The following PCDHGB6 variants were observed in gnomAD, a reference collection of about 807,000 sequenced individuals.
PCDHGB6 encodes the protein protocadherin gamma-B6.
A neutral mutation model predicts 59.1 loss-of-function variants in PCDHGB6; 51 were observed. The observed-to-expected ratio is 0.86, with a 90% CI of 0.69 to 1.09. The LOEUF is 1.09. PCDHGB6 is among the 50% of genes least tolerant of loss of function. The pLI, the probability that PCDHGB6 is intolerant of heterozygous loss-of-function variation, is 0.00. For synonymous variants in PCDHGB6, 466 were observed against 495.1 expected, an observed-to-expected ratio of 0.94 and a Z score of 0.78; for missense variants, 1,148 against 1,205.1, an observed-to-expected ratio of 0.95 and a Z score of 0.70.
At chr5:141,418,127 A>T in intron 1 of PCDHGB6, 1 of 1,614,104 alleles carries the variant, frequency 6.2e-7, no homozygotes, top group Non-Finnish European at 8.5e-7. Context: ...GAAGGACCGA[A>T]TAGACCGTGA....
intron 1 of PCDHGB6, chr5:141,415,772 T>TA (rs763083459): frequency 1.1e-5 from 15 of 1,332,970 alleles, no homozygotes; most frequent in Non-Finnish European, 1.3e-5. Flanking sequence ...TTTTTTTTTT[T>TA]ACTTTCTGGT....
intron 1 of PCDHGB6, chr5:141,415,759 T>TTG (rs2095938229): frequency 3.7e-6 from 5 of 1,352,054 alleles, no homozygotes; most frequent in Non-Finnish European, 4.8e-6. Flanking sequence ...TTTTTTTTTT[T>TTG]TTTTTTTTTT....
chr5:141,427,793 G>C, intron 1 of PCDHGB6: 1 of 1,495,528 alleles, frequency 6.7e-7, no homozygotes, highest in Non-Finnish European at 9.2e-7. Flanking sequence ...CGTCCTACGT[G>C]TCCGTGAGCG....
Position 141,485,210 on chromosome 5 carries a change from C to G in PCDHGB6, c.2419-9597C>G. 2 of 1,614,058 alleles carry G rather than the reference C, an allele frequency of 1.2e-6. No individual in the cohort carries two copies. The highest frequency in any genetic ancestry group is 1.7e-6 in the Non-Finnish European group (2 of 1,179,934). On this transcript the variant is annotated intron_variant, in intron 1 of 3. Transcript: ENST00000520790. The surrounding 1 kb of genome is among the most constrained non-coding windows in gnomAD (Gnocchi z 5.7). ...GGTGAGAAGCTGGACAGAAATCTGG[C>G]GGTGGGCTACCCTTTTGTTCCTCTT...
chr5:141,422,655 C>T (rs188587553), intron 1 of PCDHGB6: 2 of 1,610,120 alleles, frequency 1.2e-6, no homozygotes, highest in Admixed American at 3.3e-5. Flanking sequence ...TCTCAGTGAC[C>T]GCCCTCGACC....
At chr5:141,434,536 T>C (rs1037347477) in intron 1 of PCDHGB6, among the ~76,000 whole-genome samples, 7 of 152,186 alleles carry the variant, frequency 4.6e-5, no homozygotes, top group Non-Finnish European at 8.8e-5. Context: ...CCACAAACAA[T>C]AGCATGAGTG....
chr5:141,510,239 C>T (rs2099880022), intron 3 of PCDHGB6, among the ~76,000 whole-genome samples: 1 of 150,434 alleles, frequency 6.6e-6, no homozygotes, highest in Non-Finnish European at 1.5e-5. Flanking sequence ...CGCCACTGCA[C>T]TCCAGGCTGG....
intron 1 of PCDHGB6, among the ~76,000 whole-genome samples, chr5:141,452,689 C>G (rs1198702467): frequency 6.6e-6 from 1 of 151,562 alleles, no homozygotes; most frequent in Non-Finnish European, 1.5e-5. Context: ...AGAATGAAAC[C>G]CTGTCAAGAA....
chr5:141,410,671 C>G (rs771368781), intron 1 of PCDHGB6, 51 bp downstream of exon 1: 1 of 1,563,260 alleles, frequency 6.4e-7, no homozygotes, highest in South Asian at 1.2e-5. Context: ...ACTAGTTTCT[C>G]ATATTTTAGG....
At position 141,491,640 on chromosome 5, in the gene PCDHGB6, T is replaced by A; in HGVS notation, c.2419-3167T>A. 6.2e-7 allele frequency: 1 copy of A among 1,613,804 alleles called. No homozygotes were observed. Among genetic ancestry groups the A allele is most frequent in the South Asian group, 1.1e-5 (1 of 91,086 alleles). On this transcript the variant is annotated intron_variant, in intron 1 of 3. Coordinates refer to ENST00000520790, the MANE Select transcript of PCDHGB6 (RefSeq NM_018926.3). This position sits in a 1 kb window ranked among gnomAD's most constrained non-coding sequence, Gnocchi z 6.9. ...CCCTCAGCGTTCAGCAGCCCACAGC[T>A]CTGGCGCTGGAGCCTGACGCCATCC...
At chr5:141,507,239 G>C (rs2099859378) in intron 3 of PCDHGB6, 1 of 152,310 alleles carries the variant, frequency 6.6e-6, no homozygotes, top group Non-Finnish European at 1.5e-5. Context: ...CCCAGTTACA[G>C]TTGAATGTCA....
At chr5:141,481,210 G>A (rs1351826116) in intron 1 of PCDHGB6, among the ~76,000 whole-genome samples, 2 of 152,128 alleles carry the variant, frequency 1.3e-5, no homozygotes, top group Admixed American at 1.3e-4. Context: ...TAAAAAACAT[G>A]GTAAGGTCTC....
Position 141,433,059 on chromosome 5 carries a change from A to G in PCDHGB6, c.2418+22439A>G, listed in dbSNP as rs745951077. 1.1e-5 allele frequency: 18 copies of G among 1,614,000 alleles called. No individual in the cohort carries two copies. In the East Asian group the frequency reaches 3.8e-4, roughly 34 times the overall value. On this transcript the variant is annotated intron_variant, in intron 1 of 3. Transcript: ENST00000520790. ...CTCACCACGGACTCGCGGAAGAGTC[A>G]CCTGATCTTCCCCCAGCCCAACTAT...
At chr5:141,465,488 G>A (rs2099104080) in intron 1 of PCDHGB6, among the ~76,000 whole-genome samples, 1 of 152,224 alleles carries the variant, frequency 6.6e-6, no homozygotes. Flanking sequence ...AGAGGAATGA[G>A]CGGGAGCATT....
chr5:141,440,373 G>A (rs866892003), intron 1 of PCDHGB6: 2 of 152,214 alleles, frequency 1.3e-5, no homozygotes, highest in Non-Finnish European at 2.9e-5. Context: ...GGCCGAGGCA[G>A]GAGAATCGCT....
At position 141,505,394 on chromosome 5, in the gene PCDHGB6, T is replaced by C; in HGVS notation, c.2479T>C (p.Ser827Pro). 6.2e-7 allele frequency: 1 copy of C among 1,614,110 alleles called. No homozygotes were observed. The highest frequency in any genetic ancestry group is 8.5e-7 in the Non-Finnish European group (1 of 1,180,002). The part of the protein sequence containing the change: ...SQAQRPGTSG[S>P]QNGDDTGTWP... ...CTCACCATCCTACTCTCTCCCCAGC[T>C]CCCAAAATGGCGATGACACCGGCAC... Residue 827 changes from serine (S) to proline (P), a missense_variant and splice_region_variant, in exon 3 of 4, where the codon TCC becomes CCC. By Grantham distance (74) the Ser-to-Pro change is moderately conservative. Coordinates refer to ENST00000520790, the MANE Select transcript of PCDHGB6 (RefSeq NM_018926.3).
chr5:141,457,172 T>C (rs1425263344), intron 1 of PCDHGB6, among the ~76,000 whole-genome samples: 1 of 152,212 alleles, frequency 6.6e-6, no homozygotes, highest in East Asian at 1.9e-4. Context: ...ATAACCCTAT[T>C]GCAAATAGTA....
rs368378842 is a variant in PCDHGB6 at position 141,410,281 on chromosome 5, G to A, written c.2079G>A (p.Val693=). The change falls in exon 1 of 4, where the codon GTG becomes GTA. Residue 693 remains valine (V), a synonymous_variant. Transcript: ENST00000520790. ...DPQAELQFYL[V]VALALISVLF... is the part of the protein sequence containing the mutation. ...AGGCTGAACTGCAGTTTTACCTGGT[G>A]GTGGCCTTGGCCTTAATCTCAGTGC... The A allele has an allele frequency of 2.0e-5, 33 of 1,613,938 alleles. No individual in the cohort carries two copies. Among genetic ancestry groups the A allele is most frequent in the Non-Finnish European group, 2.0e-5 (24 of 1,179,922 alleles).
intron 1 of PCDHGB6, among the ~76,000 whole-genome samples, chr5:141,456,736 G>A (rs1339661302): frequency 1.3e-5 from 2 of 151,924 alleles, no homozygotes; most frequent in Non-Finnish European, 2.9e-5. Context: ...AGGCTGAGGC[G>A]GGAGCATCAT....
Sources: allele counts gnomAD v4.1 joint callset (sites outside exome capture counted in the v4.1 genomes callset), GRCh38; gene constraint gnomAD v4.1.1; non-coding constraint Gnocchi (gnomAD v3.1); transcripts MANE v1.5; gene names NCBI Gene and HGNC (gene_info 2026-07-23, HGNC 2026-07-21).